The following PAPPA variants were observed in gnomAD, a reference collection of about 807,000 sequenced individuals.
PAPPA encodes pappalysin-1.
A neutral mutation model predicts 164.0 loss-of-function variants in PAPPA; 60 were observed. The observed-to-expected ratio is 0.37, with a 90% CI of 0.30 to 0.45. The LOEUF is 0.45. Ranked by LOEUF, PAPPA falls within the 20% of genes least tolerant of loss-of-function variation. PAPPA has a pLI of 1.00. For missense variants in PAPPA, 1,782 were observed against 2,087.3 expected (o/e 0.85, Z 2.85); for synonymous variants, 875 against 814.1 (o/e 1.07, Z -1.27).
chr9:116,274,944 G>A (rs559210814), intron 9 of PAPPA, among the ~76,000 whole-genome samples: 81 of 152,188 alleles, frequency 5.3e-4, no homozygotes, highest in African/African-American at 1.8e-3. Context: ...GGTGGGAGTA[G>A]CCACATCCAT....
At chr9:116,170,364 G>A (rs1305346489) in intron 1 of PAPPA, among the ~76,000 whole-genome samples, 1 of 152,108 alleles carries the variant, frequency 6.6e-6, no homozygotes, top group East Asian at 1.9e-4. Flanking sequence ...GGAAGAATTA[G>A]TTTATTTCTT....
At chr9:116,267,998 G>A (rs1427263869) in intron 8 of PAPPA, among the ~76,000 whole-genome samples, 2 of 151,396 alleles carry the variant, frequency 1.3e-5, no homozygotes, top group Non-Finnish European at 2.9e-5. Context: ...AACATAGCAG[G>A]AACATATATG....
intron 9 of PAPPA, among the ~76,000 whole-genome samples, chr9:116,280,074 C>T (rs980107098): frequency 1.3e-4 from 20 of 152,270 alleles, no homozygotes; most frequent in Admixed American, 9.1e-4. Flanking sequence ...AGGAAAAAAT[C>T]GGCTGCTTGC....
intron 9 of PAPPA, chr9:116,286,901 G>C (rs1845346447): frequency 6.6e-6 from 1 of 152,084 alleles, no homozygotes; most frequent in African/African-American, 2.4e-5. Context: ...AGAGGAAACG[G>C]ACTCAGGGCT....
intron 10 of PAPPA, among the ~76,000 whole-genome samples, chr9:116,322,416 A>G (rs1243800740): frequency 1.3e-5 from 2 of 150,982 alleles, no homozygotes; most frequent in South Asian, 4.2e-4. Flanking sequence ...GTCTCAAAAA[A>G]AAAAAAAAAA....
chr9:116,225,124 T>C (rs553180495), intron 5 of PAPPA, among the ~76,000 whole-genome samples: 67 of 152,300 alleles, frequency 4.4e-4, no homozygotes, highest in Non-Finnish European at 6.9e-4. Context: ...CTAAAGCACA[T>C]AGACGAAATA....
At chr9:116,241,278 AC>A (rs1198224287) in intron 7 of PAPPA, among the ~76,000 whole-genome samples, 11 of 152,296 alleles carry the variant, frequency 7.2e-5, no homozygotes, top group African/African-American at 2.6e-4. Context: ...AGCAAGAAAA[AC>A]TTTTTGTTTC....
At position 116,280,751 on chromosome 9, in the gene PAPPA, C is replaced by G. The variant is rs568129849; in HGVS notation, c.2953+9335C>G. ...AAACCACCACCCATGGCCAACCCAG[C>G]CTGCTGCCTGTTTTCATAGACAAAG... On this transcript the variant is annotated intron_variant, in intron 9 of 21. Coordinates refer to ENST00000328252, the MANE Select transcript of PAPPA (RefSeq NM_002581.5). Among the ~76,000 whole-genome samples the G allele has an allele frequency of 9.2e-5, 14 of 152,354 alleles. No homozygotes were observed. The South Asian group carries it at 2.5e-3, about 27-fold the overall frequency.
chr9:116,228,435 C>A (rs1844543459), intron 6 of PAPPA, among the ~76,000 whole-genome samples: 1 of 152,078 alleles, frequency 6.6e-6, no homozygotes, highest in East Asian at 1.9e-4. Flanking sequence ...CGGAATCAGT[C>A]TTCTCACTGA....
Position 116,246,246 on chromosome 9 carries a change from T to C in PAPPA, c.2732+10609T>C, listed in dbSNP as rs112728674. Among the ~76,000 whole-genome samples the C allele has an allele frequency of 9.9e-4, 150 of 152,202 alleles. 1 individual carries two copies. Among genetic ancestry groups the C allele is most frequent in the African/African-American group, 3.5e-3 (147 of 41,540 alleles). ...TATCCTAATGTCCTCAACAGATTTT[T>C]CCCCCATTCTATAAAAGATGCTCAG... is the stretch of plus-strand genomic sequence containing the variant. On this transcript the variant is annotated intron_variant, in intron 7 of 21. Coordinates refer to ENST00000328252, the MANE Select transcript of PAPPA (RefSeq NM_002581.5).
At chr9:116,371,517 A>T (rs1259298394) in intron 19 of PAPPA, among the ~76,000 whole-genome samples, 1 of 152,238 alleles carries the variant, frequency 6.6e-6, no homozygotes, top group African/African-American at 2.4e-5. Flanking sequence ...GAAAAATATA[A>T]CACCCATACA....
In PAPPA at chr9:116,220,073, A is replaced by G. The variant is rs1328184559; in HGVS notation, c.2055A>G (p.Thr685=). Residue 685 remains threonine (T), a synonymous_variant, in exon 5 of 22, where the codon ACA becomes ACG. Coordinates refer to ENST00000328252, the MANE Select transcript of PAPPA (RefSeq NM_002581.5). ...VALAPQVLGH[T]TDSVTLEWFP... ...TCGCCCCCCAAGTTCTGGGCCACAC[A>G]ACGGACTCTGTGACACTGGAGTGGT... The G allele has an allele frequency of 3.1e-6, 5 of 1,614,004 alleles. No individual in the cohort carries two copies. The highest frequency in any genetic ancestry group is 3.4e-6 in the Non-Finnish European group (4 of 1,180,044).
At chr9:116,229,837 T>G (rs1315481702) in intron 6 of PAPPA, among the ~76,000 whole-genome samples, 2 of 152,170 alleles carry the variant, frequency 1.3e-5, no homozygotes, top group Non-Finnish European at 2.9e-5. Context: ...GCTGTGAGAA[T>G]GGAGAGAAGT....
At chr9:116,162,916 T>C (rs182635215) in intron 1 of PAPPA, among the ~76,000 whole-genome samples, 1 of 152,084 alleles carries the variant, frequency 6.6e-6, no homozygotes, top group Admixed American at 6.5e-5. Flanking sequence ...ACAACTAAAA[T>C]GAAAGGCTAA....
intron 1 of PAPPA, among the ~76,000 whole-genome samples, chr9:116,156,578 G>A (rs183999113): frequency 1.2e-3 from 178 of 151,626 alleles, no homozygotes; most frequent in Non-Finnish European, 2.0e-3. Flanking sequence ...CTCTCAAAAC[G>A]AAAAAAATAA....
chr9:116,297,873 T>C (rs1845529069), intron 9 of PAPPA, among the ~76,000 whole-genome samples: 1 of 152,234 alleles, frequency 6.6e-6, no homozygotes, highest in Non-Finnish European at 1.5e-5. Flanking sequence ...CAGTCTGTTA[T>C]GCTATTTGAT....
intron 8 of PAPPA, among the ~76,000 whole-genome samples, chr9:116,269,998 C>T (rs946791323): frequency 1.3e-5 from 2 of 152,324 alleles, no homozygotes; most frequent in South Asian, 2.1e-4. Context: ...TATCCTGCTA[C>T]TCTGACACCT....
intron 1 of PAPPA, among the ~76,000 whole-genome samples, chr9:116,173,291 C>T (rs890186339): frequency 6.6e-6 from 1 of 152,070 alleles, no homozygotes; most frequent in Non-Finnish European, 1.5e-5. Flanking sequence ...TGTATCAAAC[C>T]TCTCTCTTTG....
At chr9:116,202,803 T>A (rs1164159912) in intron 2 of PAPPA, among the ~76,000 whole-genome samples, 1 of 152,196 alleles carries the variant, frequency 6.6e-6, no homozygotes, top group Admixed American at 6.5e-5. Flanking sequence ...ATTTTGCATA[T>A]TTGAGGCTCC....
Sources: gnomAD v4.1 joint callset for allele counts (sites outside exome capture counted in the v4.1 genomes callset) on GRCh38, gnomAD v4.1.1 for gene constraint, MANE v1.5 for transcripts, NCBI Gene and HGNC (gene_info 2026-07-23, HGNC 2026-07-21) for gene names.